The following HMGCLL1 variants were observed in gnomAD, a reference collection of about 807,000 sequenced individuals.
HMGCLL1 encodes the protein 3-hydroxymethyl-3-methylglutaryl-CoA lyase, cytoplasmic.
In HMGCLL1, 36 loss-of-function variants were observed where a neutral mutation model predicts 39.1. The observed-to-expected ratio is 0.92, with a 90% CI of 0.71 to 1.22. The LOEUF (loss-of-function observed/expected upper bound fraction) is 1.22, where lower values mean the gene tolerates loss of function less well. Ranked by LOEUF, HMGCLL1 falls within the 50% of genes most tolerant of loss-of-function variation. The pLI is 0.00. For synonymous variants in HMGCLL1, 149 were observed against 144.0 expected (o/e 1.03, Z -0.25); for missense variants, 451 against 416.5 (o/e 1.08, Z -0.72).
chr6:55,547,752 G>A (rs375324744), intron 1 of HMGCLL1, among the ~76,000 whole-genome samples: 1 of 151,886 alleles, frequency 6.6e-6, no homozygotes, highest in East Asian at 1.9e-4. Flanking sequence ...TATTTTTGTT[G>A]TCTCATTTGA....
chr6:55,627,900 G>GTATA, the HMGCLL1 span, among the ~76,000 whole-genome samples: 1 of 11,308 alleles, frequency 8.8e-5, no homozygotes, highest in South Asian at 2.5e-3. Flanking sequence ...TATATATATA[G>GTATA]TATATATACT....
intron 7 of HMGCLL1, among the ~76,000 whole-genome samples, chr6:55,473,502 C>T (rs943420802): frequency 4.6e-5 from 7 of 151,328 alleles, no homozygotes; most frequent in African/African-American, 9.7e-5. Flanking sequence ...AGCACCAGTA[C>T]GTTGTAATAA....
At chr6:55,622,993 T>C in the HMGCLL1 span, among the ~76,000 whole-genome samples, 5 of 152,056 alleles carry the variant, frequency 3.3e-5, no homozygotes, top group African/African-American at 1.2e-4. Context: ...TCTTGGTAGG[T>C]TGTATATGTC....
chr6:55,565,556 T>C (rs1771172628), intron 1 of HMGCLL1, among the ~76,000 whole-genome samples: 1 of 152,062 alleles, frequency 6.6e-6, no homozygotes, highest in Non-Finnish European at 1.5e-5. Context: ...TTAAGACAAA[T>C]GATTGACATT....
At chr6:55,577,217 TGA>T (rs1204231078) in intron 1 of HMGCLL1, 1 of 1,525,780 alleles carries the variant, frequency 6.6e-7, no homozygotes, top group African/African-American at 1.6e-5. Flanking sequence ...AGTGCTGCTG[TGA>T]GTTCAATTAC....
chr6:55,650,109 A>ATATAT, the HMGCLL1 span, among the ~76,000 whole-genome samples: 1 of 72,996 alleles, frequency 1.4e-5, no homozygotes, highest in African/African-American at 6.5e-5. Flanking sequence ...ATATATATAT[A>ATATAT]TATATATATA....
chr6:55,449,359 G>A (rs907290359), intron 7 of HMGCLL1, among the ~76,000 whole-genome samples: 1 of 152,134 alleles, frequency 6.6e-6, no homozygotes, highest in South Asian at 2.1e-4. Flanking sequence ...ATAGCCAAAC[G>A]CAGATGACAT....
At chr6:55,530,078 GGGC>G (rs148634579) in intron 3 of HMGCLL1, among the ~76,000 whole-genome samples, 91,366 of 143,706 alleles carry the variant, frequency 0.64, 29,164 homozygotes, top group Admixed American at 0.69. Context: ...GGGGGTTGGG[GGGC>G]GGGGTGTGGA....
intron 7 of HMGCLL1, among the ~76,000 whole-genome samples, chr6:55,446,301 T>C (rs983839325): frequency 3.4e-5 from 5 of 148,326 alleles, no homozygotes; most frequent in South Asian, 2.1e-4. Context: ...ATTTATAACA[T>C]ACATAATATA....
chr6:55,661,209 CTTAAGT>C, the HMGCLL1 span, among the ~76,000 whole-genome samples: 1 of 152,018 alleles, frequency 6.6e-6, no homozygotes, highest in Admixed American at 6.6e-5. Context: ...TGCAAATTCT[CTTAAGT>C]TTAATTGGAT....
the HMGCLL1 span, among the ~76,000 whole-genome samples, chr6:55,586,680 A>G: frequency 3.3e-5 from 5 of 151,962 alleles, no homozygotes; most frequent in Non-Finnish European, 7.4e-5. Flanking sequence ...TTGCTGGAGA[A>G]TGATGGTTTC....
the HMGCLL1 span, among the ~76,000 whole-genome samples, chr6:55,665,976 G>T: frequency 6.6e-6 from 1 of 151,694 alleles, no homozygotes; most frequent in South Asian, 2.1e-4. Context: ...GCCACATATT[G>T]TCTCACAATA....
the HMGCLL1 span, among the ~76,000 whole-genome samples, chr6:55,674,527 A>G: frequency 6.6e-6 from 1 of 152,124 alleles, no homozygotes; most frequent in African/African-American, 2.4e-5. Context: ...ATCACAAGCA[A>G]TCAGTAAATT....
intron 1 of HMGCLL1, among the ~76,000 whole-genome samples, chr6:55,548,827 C>T (rs1046886287): frequency 6.7e-6 from 1 of 149,426 alleles, no homozygotes; most frequent in Non-Finnish European, 1.5e-5. Context: ...GTTTATAAAA[C>T]ATGGATAGTA....
intron 1 of HMGCLL1, among the ~76,000 whole-genome samples, chr6:55,564,982 T>C (rs1221528427): frequency 6.6e-6 from 1 of 152,076 alleles, no homozygotes; most frequent in Non-Finnish European, 1.5e-5. Context: ...GTTGAGCTAC[T>C]TCATCCTAAG....
chr6:55,671,599 C>T, the HMGCLL1 span, among the ~76,000 whole-genome samples: 3 of 151,774 alleles, frequency 2.0e-5, no homozygotes, highest in Non-Finnish European at 2.9e-5. Context: ...AAAACTTAAA[C>T]TTGAGATTTT....
chr6:55,625,535 C>T, the HMGCLL1 span, among the ~76,000 whole-genome samples: 1 of 152,078 alleles, frequency 6.6e-6, no homozygotes, highest in East Asian at 1.9e-4. Context: ...AATATTCAGG[C>T]ACCACCCGAA....
upstream of HMGCLL1, among the ~76,000 whole-genome samples, chr6:55,582,381 A>G (rs536715126): frequency 1.3e-5 from 2 of 152,200 alleles, no homozygotes; most frequent in Non-Finnish European, 2.9e-5. Flanking sequence ...GCACTCAACA[A>G]TTCATACTGT....
At chr6:55,458,138 T>C (rs909234086) in intron 7 of HMGCLL1, among the ~76,000 whole-genome samples, 2 of 152,210 alleles carry the variant, frequency 1.3e-5, no homozygotes, top group African/African-American at 4.8e-5. Flanking sequence ...TGTTAAACTC[T>C]CATGTTTTTC....
Sources: gnomAD v4.1 joint callset for allele counts (sites outside exome capture counted in the v4.1 genomes callset) on GRCh38, gnomAD v4.1.1 for gene constraint, MANE v1.5 for transcripts, NCBI Gene and HGNC (gene_info 2026-07-23, HGNC 2026-07-21) for gene names.